GPR158: variants seen among roughly 807,000 people sequenced by gnomAD.
GPR158 encodes metabotropic glycine receptor.
A neutral mutation model predicts 78.2 loss-of-function variants in GPR158; 30 were observed. The observed-to-expected ratio is 0.38, with a 90% CI of 0.29 to 0.52. The LOEUF is 0.52. Ranked by LOEUF, GPR158 falls within the 20% of genes least tolerant of loss-of-function variation. The pLI, the probability that GPR158 is intolerant of heterozygous loss-of-function variation, is 0.83. For missense variants in GPR158, 1,463 were observed against 1,523.5 expected, an observed-to-expected ratio of 0.96 and a Z score of 0.66; for synonymous variants, 581 against 591.1, an observed-to-expected ratio of 0.98 and a Z score of 0.25.
chr10:25,587,711 G>A (rs955253603), intron 7 of GPR158, among the ~76,000 whole-genome samples: 3 of 152,144 alleles, frequency 2.0e-5, no homozygotes, highest in African/African-American at 7.2e-5. Flanking sequence ...GGAGAGTTTG[G>A]AGTGACATTA....
intron 7 of GPR158, among the ~76,000 whole-genome samples, chr10:25,578,566 G>T (rs1184398209): frequency 6.6e-6 from 1 of 152,132 alleles, no homozygotes; most frequent in African/African-American, 2.4e-5. Context: ...TTCTCCAACA[G>T]TCATAATAGA....
At chr10:25,289,431 A>AT (rs758546844) in intron 2 of GPR158, among the ~76,000 whole-genome samples, 24 of 151,822 alleles carry the variant, frequency 1.6e-4, no homozygotes, top group Admixed American at 2.6e-4. Context: ...GAGCATTTAA[A>AT]TTTTTATTTT....
chr10:25,544,928 A>C (rs768305248), intron 5 of GPR158, among the ~76,000 whole-genome samples: 11 of 151,780 alleles, frequency 7.2e-5, no homozygotes, highest in Non-Finnish European at 1.6e-4. Flanking sequence ...TCACTGTTCA[A>C]CTCTCACTTA....
Position 25,293,745 on chromosome 10 carries a change from ATT to A in GPR158, c.1008+72603_1008+72604del, listed in dbSNP as rs5783917. 6.4e-3 allele frequency among the ~76,000 whole-genome samples: 920 copies of A among 144,640 alleles called. 5 individuals carry two copies. Among genetic ancestry groups the A allele is most frequent in the African/African-American group, 0.015 (574 of 38,994 alleles). 94.9% of individuals were successfully genotyped at this position (144,640 alleles called of 152,430 possible). ...TTTAATAAAGTTCTTTAAACCTGTA[ATT>A]TTTTTTTTTTTTTTCTGAGATGGAG... On this transcript the variant is annotated intron_variant, in intron 2 of 10. Coordinates refer to ENST00000376351, the MANE Select transcript of GPR158 (RefSeq NM_020752.3).
chr10:25,540,628 T>G (rs1588904500), intron 5 of GPR158, among the ~76,000 whole-genome samples: 1 of 152,106 alleles, frequency 6.6e-6, no homozygotes, highest in East Asian at 1.9e-4. Context: ...AAGGATGAGT[T>G]CATGTCCTTT....
chr10:25,234,755 C>A (rs1364441056), intron 2 of GPR158, among the ~76,000 whole-genome samples: 5 of 152,070 alleles, frequency 3.3e-5, no homozygotes, highest in Non-Finnish European at 7.4e-5. Context: ...TCAAGTAATA[C>A]CTCAAAAGTT....
rs148565830 is a variant in GPR158 at position 25,407,288 on chromosome 10, T to C, written c.1112-4962T>C. On this transcript the variant is annotated intron_variant, in intron 3 of 10. Transcript: ENST00000376351. ...CATGTGCAGTTACAGAAAGAAATAA[T>C]GCATTGCCTCTTGTAAAATAGAAGG... 1.2e-3 allele frequency among the ~76,000 whole-genome samples: 186 copies of C among 152,344 alleles called. 1 individual carries two copies. The highest frequency in any genetic ancestry group is 4.4e-3 in the African/African-American group (182 of 41,588).
chr10:25,357,238 C>A (rs1351013961), intron 2 of GPR158, among the ~76,000 whole-genome samples: 1 of 151,952 alleles, frequency 6.6e-6, no homozygotes, highest in East Asian at 1.9e-4. Context: ...GGGAGAAGAT[C>A]ATAAAAGTTT....
chr10:25,559,883 C>G (rs1158209972), intron 6 of GPR158, among the ~76,000 whole-genome samples: 2 of 152,206 alleles, frequency 1.3e-5, no homozygotes, highest in Non-Finnish European at 2.9e-5. Context: ...ATATGTAACT[C>G]TTCTGATCTG....
At chr10:25,532,983 T>TCC (rs1483940387) in intron 5 of GPR158, among the ~76,000 whole-genome samples, 2 of 134,162 alleles carry the variant, frequency 1.5e-5, no homozygotes, top group African/African-American at 5.0e-5. Context: ...TCCGCTTAAT[T>TCC]CCCTTAATGC....
At chr10:25,291,718 TC>T (rs1442594280) in intron 2 of GPR158, among the ~76,000 whole-genome samples, 1 of 151,970 alleles carries the variant, frequency 6.6e-6, no homozygotes, top group Non-Finnish European at 1.5e-5. Flanking sequence ...AGTGTTAACA[TC>T]TTTAATCATA....
At chr10:25,187,812 GT>G (rs1852709341) in intron 1 of GPR158, among the ~76,000 whole-genome samples, 1 of 152,128 alleles carries the variant, frequency 6.6e-6, no homozygotes, top group African/African-American at 2.4e-5. Context: ...GAAATAAAGG[GT>G]ATTCAATTAG....
intron 4 of GPR158, among the ~76,000 whole-genome samples, chr10:25,434,388 A>C (rs1005093157): frequency 3.9e-5 from 6 of 152,230 alleles, no homozygotes; most frequent in African/African-American, 1.4e-4. Context: ...CCAGTTACTT[A>C]TCAAATATGC....
intron 3 of GPR158, among the ~76,000 whole-genome samples, chr10:25,400,915 G>A (rs936133468): frequency 6.6e-6 from 1 of 151,990 alleles, no homozygotes; most frequent in South Asian, 2.1e-4. Flanking sequence ...GCGACGGGAG[G>A]AAAAAAGACA....
At chr10:25,484,758 G>A (rs530906065) in intron 5 of GPR158, among the ~76,000 whole-genome samples, 28 of 152,214 alleles carry the variant, frequency 1.8e-4, no homozygotes, top group African/African-American at 6.7e-4. Context: ...GGCTCTTTCT[G>A]TCTCTTCCAG....
chr10:25,182,295 C>T (rs1478037563), intron 1 of GPR158, among the ~76,000 whole-genome samples: 7 of 152,148 alleles, frequency 4.6e-5, no homozygotes, highest in Admixed American at 2.0e-4. Context: ...CATGAAGTTT[C>T]GTCGTAGATT....
intron 2 of GPR158, among the ~76,000 whole-genome samples, chr10:25,330,882 G>A (rs980846101): frequency 2.6e-5 from 4 of 152,134 alleles, no homozygotes; most frequent in African/African-American, 9.7e-5. Context: ...TATATTGAAT[G>A]CCCAAATTAT....
intron 5 of GPR158, among the ~76,000 whole-genome samples, chr10:25,530,895 G>T (rs183383633): frequency 6.6e-6 from 1 of 152,070 alleles, no homozygotes; most frequent in African/African-American, 2.4e-5. Flanking sequence ...CTCTCCATCC[G>T]AGCAGTAGAC....
rs1197430155 is a variant in GPR158, at chr10:25,208,126, G to T, written c.903-12926G>T. 2.6e-5 allele frequency among the ~76,000 whole-genome samples: 4 copies of T among 152,176 alleles called. No individual in the cohort carries two copies. The East Asian group carries it at 7.7e-4, about 29-fold the overall frequency. On this transcript the variant is annotated intron_variant, in intron 1 of 10. Transcript: ENST00000376351. ...TTGTGCAGAGCAGGGTTTATAGAAT[G>T]TGTTTGCTTTGTTCATTAGTCACAT...
Sources: allele counts gnomAD v4.1 joint callset (sites outside exome capture counted in the v4.1 genomes callset), GRCh38; gene constraint gnomAD v4.1.1; transcripts MANE v1.5; gene names NCBI Gene and HGNC (gene_info 2026-07-23, HGNC 2026-07-21).